Variants in OR2L13 observed in about 807,000 individuals in gnomAD.
OR2L13 encodes the protein olfactory receptor 2L13.
In OR2L13, 14 loss-of-function variants were observed where a neutral mutation model predicts 15.3. The ratio of observed to expected loss-of-function variants is 0.91; its 90% CI spans 0.60 to 1.43. The LOEUF is 1.43. Among genes scored for constraint, OR2L13 ranks in the 40% most tolerant of loss-of-function variants. The probability of loss-of-function intolerance (pLI) is 0.00; values close to 1 mark genes in which losing one functional copy is unlikely to be tolerated. For synonymous variants in OR2L13, 152 were observed against 142.9 expected (o/e 1.06, Z -0.45); for missense variants, 367 against 387.9 (o/e 0.95, Z 0.45).
the OR2L13 span, among the ~76,000 whole-genome samples, chr1:248,020,146 A>G: frequency 3.9e-5 from 6 of 152,104 alleles, no homozygotes; most frequent in African/African-American, 1.4e-4. Context: ...TTTGATTACC[A>G]TAGCTTTTGG....
the OR2L13 span, chr1:248,022,242 C>G: frequency 6.2e-7 from 1 of 1,614,112 alleles, no homozygotes; most frequent in Non-Finnish European, 8.5e-7. Flanking sequence ...GTGTGGGATT[C>G]AGAGTTTCTT....
At chr1:248,054,148 A>G in the OR2L13 span, among the ~76,000 whole-genome samples, 1 of 152,212 alleles carries the variant, frequency 6.6e-6, no homozygotes, top group Non-Finnish European at 1.5e-5. Context: ...GGTGTAAGGA[A>G]GGAATCCAGT....
the OR2L13 span, among the ~76,000 whole-genome samples, chr1:247,992,667 C>T: frequency 6.6e-6 from 1 of 152,152 alleles, no homozygotes; most frequent in Non-Finnish European, 1.5e-5. Context: ...AGGATTATGG[C>T]CCCCAGCTCT....
the OR2L13 span, chr1:248,022,234 G>A: frequency 1.2e-6 from 2 of 1,614,178 alleles, no homozygotes; most frequent in East Asian, 2.2e-5. Context: ...TTCATTGGGT[G>A]TGGGATTCAG....
chr1:248,033,934 C>T, the OR2L13 span, among the ~76,000 whole-genome samples: 1 of 152,120 alleles, frequency 6.6e-6, no homozygotes, highest in African/African-American at 2.4e-5. Context: ...AAGAGGAAGC[C>T]AAACTGTCCC....
chr1:248,069,017 CG>C, the OR2L13 span, among the ~76,000 whole-genome samples: 1 of 152,080 alleles, frequency 6.6e-6, no homozygotes, highest in Non-Finnish European at 1.5e-5. Context: ...CTGAAAGTGA[CG>C]GGGAGAATGG....
At chr1:247,977,693 C>G in the OR2L13 span, among the ~76,000 whole-genome samples, 29,919 of 152,132 alleles carry the variant, frequency 0.2, 6,071 homozygotes, top group African/African-American at 0.52. Context: ...GGTAGCCCTT[C>G]TCACAGGGTC....
At chr1:247,942,761 G>A in the OR2L13 span, among the ~76,000 whole-genome samples, 2 of 152,090 alleles carry the variant, frequency 1.3e-5, no homozygotes, top group Non-Finnish European at 1.5e-5. Flanking sequence ...ACCATTTTAA[G>A]TGTAGAGTTC....
chr1:247,955,278 T>G, the OR2L13 span, among the ~76,000 whole-genome samples: 1 of 152,158 alleles, frequency 6.6e-6, no homozygotes, highest in African/African-American at 2.4e-5. Flanking sequence ...GGACATGAAC[T>G]CATCTTTTTT....
the OR2L13 span, among the ~76,000 whole-genome samples, chr1:247,960,501 C>T: frequency 6.6e-6 from 1 of 152,190 alleles, no homozygotes; most frequent in African/African-American, 2.4e-5. Context: ...GCAGAGGTTT[C>T]TGCTGCCTTT....
At chr1:247,959,900 G>T in the OR2L13 span, among the ~76,000 whole-genome samples, 1 of 150,364 alleles carries the variant, frequency 6.7e-6, no homozygotes, top group African/African-American at 2.4e-5. Flanking sequence ...TCCTCCTTTA[G>T]CTCAGAGTAG....
At chr1:248,075,227 A>T in the OR2L13 span, among the ~76,000 whole-genome samples, 1 of 152,200 alleles carries the variant, frequency 6.6e-6, no homozygotes, top group Non-Finnish European at 1.5e-5. Context: ...GCTGCATAGT[A>T]TTCCATGGTG....
the OR2L13 span, among the ~76,000 whole-genome samples, chr1:247,993,838 A>G: frequency 1.3e-5 from 2 of 149,308 alleles, no homozygotes; most frequent in Non-Finnish European, 3.0e-5. Context: ...AGAGAGAGAG[A>G]CCTTGTCATG....
chr1:247,943,916 C>T, the OR2L13 span, among the ~76,000 whole-genome samples: 1 of 152,096 alleles, frequency 6.6e-6, no homozygotes, highest in African/African-American at 2.4e-5. Context: ...ATCCACTTTT[C>T]CAAACACCAT....
chr1:247,981,966 C>T, the OR2L13 span, among the ~76,000 whole-genome samples: 1 of 151,990 alleles, frequency 6.6e-6, no homozygotes, highest in Non-Finnish European at 1.5e-5. Flanking sequence ...CAGGCTCCCG[C>T]CACCACGCCC....
At chr1:247,960,435 C>T in the OR2L13 span, among the ~76,000 whole-genome samples, 2 of 152,200 alleles carry the variant, frequency 1.3e-5, no homozygotes, top group African/African-American at 4.8e-5. Context: ...TCTTCAGCTG[C>T]ATGCTGGGAG....
the OR2L13 span, among the ~76,000 whole-genome samples, chr1:248,058,499 T>C: frequency 5.8e-4 from 89 of 152,196 alleles, no homozygotes; most frequent in African/African-American, 1.9e-3. Context: ...ATTGCTACAA[T>C]ACAAAAAATA....
At chr1:247,985,099 T>C in the OR2L13 span, among the ~76,000 whole-genome samples, 1 of 152,152 alleles carries the variant, frequency 6.6e-6, no homozygotes, top group Non-Finnish European at 1.5e-5. Flanking sequence ...TACTACATTA[T>C]TTTTTACTCT....
At chr1:248,030,438 AATG>A in the OR2L13 span, among the ~76,000 whole-genome samples, 1 of 152,262 alleles carries the variant, frequency 6.6e-6, no homozygotes, top group African/African-American at 2.4e-5. Context: ...CTAATTCATA[AATG>A]TGTTTTCTGG....
Sources: allele counts gnomAD v4.1 joint callset (sites outside exome capture counted in the v4.1 genomes callset), GRCh38; gene constraint gnomAD v4.1.1; transcripts MANE v1.5; gene names NCBI Gene and HGNC (gene_info 2026-07-23, HGNC 2026-07-21).